Variants in NETO1 observed in about 807,000 individuals in gnomAD.
The protein encoded by NETO1 is neuropilin and tolloid like 1.
NETO1 carries 26 observed loss-of-function variants against 61.3 expected under a neutral mutation model. The ratio of observed to expected loss-of-function variants is 0.42; its 90% CI spans 0.31 to 0.59. The LOEUF (loss-of-function observed/expected upper bound fraction) is 0.59. NETO1 is among the 20% of genes least tolerant of loss of function. NETO1 has a pLI of 0.12. For synonymous variants in NETO1, 225 were observed against 225.8 expected, an observed-to-expected ratio of 1.00 and a Z score of 0.03; for missense variants, 531 against 662.8, an observed-to-expected ratio of 0.80 and a Z score of 2.18.
At chr18:72,760,778 G>C (rs2070944882) in intron 7 of NETO1, among the ~76,000 whole-genome samples, 1 of 152,158 alleles carries the variant, frequency 6.6e-6, no homozygotes, top group East Asian at 1.9e-4. Flanking sequence ...ACCGTTTTAG[G>C]AGAGTACTGT....
chr18:72,772,201 G>A (rs957318237), intron 7 of NETO1, among the ~76,000 whole-genome samples: 3 of 152,106 alleles, frequency 2.0e-5, no homozygotes, highest in Non-Finnish European at 2.9e-5. Flanking sequence ...GCCAGGTGGA[G>A]TGTTCACTAC....
intron 7 of NETO1, among the ~76,000 whole-genome samples, chr18:72,762,658 T>C (rs1014685623): frequency 2.0e-5 from 3 of 152,256 alleles, no homozygotes; most frequent in African/African-American, 7.2e-5. Flanking sequence ...TGCTTTGCTC[T>C]ATTGCTTCAT....
chr18:72,810,662 C>T (rs2072835340), intron 4 of NETO1, among the ~76,000 whole-genome samples: 1 of 152,200 alleles, frequency 6.6e-6, no homozygotes, highest in South Asian at 2.1e-4. Context: ...CTTGCTCCTA[C>T]AATTCTGCTT....
chr18:72,767,327 A>G (rs2071200577), intron 7 of NETO1, among the ~76,000 whole-genome samples: 1 of 152,222 alleles, frequency 6.6e-6, no homozygotes, highest in African/African-American at 2.4e-5. Context: ...ACACATTAAT[A>G]TGTATTATTC....
intron 4 of NETO1, among the ~76,000 whole-genome samples, chr18:72,828,487 T>C (rs1426013955): frequency 4.6e-5 from 7 of 152,130 alleles, no homozygotes; most frequent in Non-Finnish European, 1.0e-4. Context: ...TGTAACACAG[T>C]AAGAAACTAC....
At chr18:72,801,190 C>T (rs7238383) in intron 4 of NETO1, among the ~76,000 whole-genome samples, 12,296 of 152,226 alleles carry the variant, frequency 0.081, 634 homozygotes, top group East Asian at 0.12. Flanking sequence ...TGCGAAACTC[C>T]GTCAGCTTCA....
In NETO1 at chr18:72,750,337, C is replaced by G. The variant is rs774914297; in HGVS notation, c.1266G>C (p.Arg422Ser). The G allele has an allele frequency of 2.3e-5, 37 of 1,614,060 alleles. No individual in the cohort carries two copies. Among genetic ancestry groups the G allele is most frequent in the Non-Finnish European group, 3.1e-5 (37 of 1,179,998 alleles). The part of the protein sequence containing the change: ...DDFENYHKLR[R>S]SSSKCIHDHH... Reference sequence around the variant, plus strand: ...GGTCATGAATGCATTTGGAAGATGACCTCCGCAGTTTATGGTAATTTTCAA... The same window carrying G: ...GGTCATGAATGCATTTGGAAGATGAGCTCCGCAGTTTATGGTAATTTTCAA... Residue 422 changes from arginine to serine, a missense_variant, in exon 9 of 11, where the codon AGG becomes AGC. Physicochemically the swap from Arg to Ser is moderately radical, Grantham distance 110 (BLOSUM62 -1). Transcript: ENST00000327305.
intron 7 of NETO1, among the ~76,000 whole-genome samples, chr18:72,770,932 T>C (rs2071332784): frequency 6.6e-6 from 1 of 152,184 alleles, no homozygotes; most frequent in Non-Finnish European, 1.5e-5. Flanking sequence ...TAATTTATTT[T>C]TCCATAACTA....
chr18:72,769,810 ACAT>A (rs1258356952), intron 7 of NETO1, among the ~76,000 whole-genome samples: 3 of 152,104 alleles, frequency 2.0e-5, no homozygotes, highest in African/African-American at 7.2e-5. Context: ...TCAATCTACC[ACAT>A]CATCTTAATA....
At position 72,841,533 on chromosome 18, in the gene NETO1, G is replaced by A. The variant is rs201225776; in HGVS notation, c.469+17293C>T. On this transcript the variant is annotated intron_variant, in intron 4 of 10. Coordinates refer to ENST00000327305, the MANE Select transcript of NETO1 (RefSeq NM_138966.5). ...GGATCACCTGAGGTCAGGAGTTTGA[G>A]ACCAGTCTGGCCAACATGGTAAAAC... 2.6e-5 allele frequency among the ~76,000 whole-genome samples: 4 copies of A among 151,816 alleles called. No individual in the cohort carries two copies. In the East Asian group the frequency reaches 7.8e-4, roughly 30 times the overall value.
intron 8 of NETO1, among the ~76,000 whole-genome samples, chr18:72,752,875 C>T (rs556959442): frequency 1.2e-3 from 178 of 152,144 alleles, no homozygotes; most frequent in African/African-American, 4.1e-3. Flanking sequence ...ATGATAACTT[C>T]CTGGAGCCTC....
chr18:72,846,504 C>CAAAAAAAAAAAAAAAAA lies in NETO1; in HGVS notation c.469+12305_469+12321dup. On this transcript the variant is annotated intron_variant, in intron 4 of 10. Coordinates refer to ENST00000327305, the MANE Select transcript of NETO1 (RefSeq NM_138966.5). ...TGGGCAATGGAGTGAGACTTCATCT[C>CAAAAAAAAAAAAAAAAA]AAAAAAAAAAAAAAAAAAAAAAAAA... Among the ~76,000 whole-genome samples the CAAAAAAAAAAAAAAAAA allele has an allele frequency of 1.6e-3, 21 of 13,000 alleles. 7 individuals carry two copies. Among genetic ancestry groups the CAAAAAAAAAAAAAAAAA allele is most frequent in the South Asian group, 0.011 (2 of 186 alleles). 8.5% of individuals were successfully genotyped at this position (13,000 alleles called of 152,430 possible).
At chr18:72,778,712 T>C (rs2071639768) in intron 7 of NETO1, among the ~76,000 whole-genome samples, 1 of 152,184 alleles carries the variant, frequency 6.6e-6, no homozygotes, top group South Asian at 2.1e-4. Flanking sequence ...CTGTTCAGAA[T>C]AACTTAGGAA....
intron 4 of NETO1, among the ~76,000 whole-genome samples, chr18:72,832,664 G>A (rs2073619829): frequency 6.6e-6 from 1 of 152,180 alleles, no homozygotes; most frequent in African/African-American, 2.4e-5. Flanking sequence ...AGGGATTGAT[G>A]TTTGACTAGA....
intron 4 of NETO1, among the ~76,000 whole-genome samples, chr18:72,846,552 G>A (rs1248089079): frequency 1.5e-5 from 2 of 131,298 alleles, no homozygotes; most frequent in African/African-American, 5.6e-5. Context: ...CATAGCCCCT[G>A]CTTATGTAAG....
At chr18:72,820,996 T>C (rs754285014) in intron 4 of NETO1, among the ~76,000 whole-genome samples, 6 of 151,958 alleles carry the variant, frequency 3.9e-5, no homozygotes, top group African/African-American at 1.2e-4. Context: ...GACAGACAAA[T>C]AGGCAGACAG....
chr18:72,806,406 C>T (rs1243787490), intron 4 of NETO1, among the ~76,000 whole-genome samples: 1 of 152,144 alleles, frequency 6.6e-6, no homozygotes, highest in Admixed American at 6.5e-5. Context: ...TCTACCAACA[C>T]TTTCTCTCTC....
chr18:72,757,954 T>C (rs2070839106), intron 7 of NETO1, among the ~76,000 whole-genome samples: 1 of 152,210 alleles, frequency 6.6e-6, no homozygotes, highest in African/African-American at 2.4e-5. Context: ...GTATACGTTT[T>C]GAAAGTATAA....
rs17086343 is a variant in NETO1, at chr18:72,808,804, T to C, written c.470-14400A>G. ...TGCTGGAAACTTTAGCAGTGTTCTCTGTTGGTGCCCTTGGCAAGGACACTG... is the reference window on the plus strand; with the variant it reads ...TGCTGGAAACTTTAGCAGTGTTCTCCGTTGGTGCCCTTGGCAAGGACACTG... On this transcript the variant is annotated intron_variant, in intron 4 of 10. Coordinates refer to ENST00000327305, the MANE Select transcript of NETO1 (RefSeq NM_138966.5). Among the ~76,000 whole-genome samples the C allele has an allele frequency of 8.1e-3, 1,232 of 152,304 alleles. 28 individuals carry two copies. In the East Asian group the frequency reaches 0.088, roughly 11 times the overall value.
Sources: gnomAD v4.1 joint callset for allele counts (sites outside exome capture counted in the v4.1 genomes callset) on GRCh38, gnomAD v4.1.1 for gene constraint, MANE v1.5 for transcripts, NCBI Gene and HGNC (gene_info 2026-07-23, HGNC 2026-07-21) for gene names.